The following HS3ST3A1 variants were observed in gnomAD, a reference collection of about 807,000 sequenced individuals.
HS3ST3A1 encodes heparan sulfate glucosamine 3-O-sulfotransferase 3A1.
In HS3ST3A1, 19 loss-of-function variants were observed where a neutral mutation model predicts 25.7. The observed-to-expected ratio is 0.74, with a 90% confidence interval of 0.52 to 1.08. The LOEUF (loss-of-function observed/expected upper bound fraction) is 1.08. HS3ST3A1 is among the 50% of genes least tolerant of loss of function. HS3ST3A1 has a pLI of 0.00. For missense variants in HS3ST3A1, 459 were observed against 594.3 expected, an observed-to-expected ratio of 0.77 and a Z score of 2.37; for synonymous variants, 226 against 278.6, an observed-to-expected ratio of 0.81 and a Z score of 1.88.
Position 13,537,320 on chromosome 17 carries a change from T to C in HS3ST3A1, c.600-40502A>G, listed in dbSNP as rs539597443. On this transcript the variant is annotated intron_variant, in intron 1 of 1. Coordinates refer to ENST00000284110, the MANE Select transcript of HS3ST3A1 (RefSeq NM_006042.3). ...TGGCATATTTTATGCATATGTATTT[T>C]TATAAAGCAACTAGAGAAATAAAGC... Among the ~76,000 whole-genome samples, 11 of 152,342 alleles carry C rather than the reference T, an allele frequency of 7.2e-5. No individual in the cohort carries two copies. In the South Asian group the frequency reaches 1.2e-3, roughly 17 times the overall value.
chr17:13,557,923 T>C (rs1907426037), intron 1 of HS3ST3A1, among the ~76,000 whole-genome samples: 2 of 152,200 alleles, frequency 1.3e-5, no homozygotes, highest in East Asian at 3.8e-4. Context: ...GGTAAACGTT[T>C]TGAATTTTAG....
At chr17:13,584,442 A>G in intron 1 of HS3ST3A1, among the ~76,000 whole-genome samples, 1 of 146,648 alleles carries the variant, frequency 6.8e-6, no homozygotes, top group Admixed American at 6.8e-5. Flanking sequence ...AAAAGAAGAA[A>G]GAGAGAGAGA....
intron 1 of HS3ST3A1, among the ~76,000 whole-genome samples, chr17:13,517,988 C>T (rs1598411621): frequency 6.6e-6 from 1 of 152,012 alleles, no homozygotes; most frequent in Non-Finnish European, 1.5e-5. Context: ...TTATCAGAGT[C>T]AACTGGGAGA....
chr17:13,590,706 A>G (rs8065492), intron 1 of HS3ST3A1, among the ~76,000 whole-genome samples: 20,965 of 152,252 alleles, frequency 0.14, 1,497 homozygotes, highest in East Asian at 0.19. Flanking sequence ...ATGACAGGAA[A>G]TCAATTAGAC....
intron 1 of HS3ST3A1, among the ~76,000 whole-genome samples, chr17:13,588,784 C>T (rs905033136): frequency 1.3e-5 from 2 of 151,764 alleles, no homozygotes; most frequent in African/African-American, 4.8e-5. Flanking sequence ...CCCGGGTTCA[C>T]GGCATTCTCC....
intron 1 of HS3ST3A1, among the ~76,000 whole-genome samples, chr17:13,550,146 G>T (rs1475162450): frequency 6.6e-6 from 1 of 152,222 alleles, no homozygotes; most frequent in African/African-American, 2.4e-5. Context: ...CCGTTTAGTA[G>T]TAGTAATCAT....
At chr17:13,599,622 A>G (rs1251281275) in intron 1 of HS3ST3A1, among the ~76,000 whole-genome samples, 1 of 152,220 alleles carries the variant, frequency 6.6e-6, no homozygotes, top group East Asian at 1.9e-4. Flanking sequence ...GGCAAACAAA[A>G]TCCAGGCGAC....
At chr17:13,581,125 G>A (rs537257130) in intron 1 of HS3ST3A1, among the ~76,000 whole-genome samples, 2 of 152,042 alleles carry the variant, frequency 1.3e-5, no homozygotes, top group Non-Finnish European at 2.9e-5. Flanking sequence ...AATTCCATTG[G>A]AACAAATTTG....
Position 13,600,762 on chromosome 17 carries a change from C to A in HS3ST3A1, c.368G>T (p.Gly123Val), listed in dbSNP as rs1309095991. ...WEEESPGLSG[G>V]PGGSGAGSTV... ...GCTTCCGGCCCCGGAGCCGCCCGGACCCCCTGACAGGCCAGGGGACTCTTC... is the reference window on the plus strand; with the variant it reads ...GCTTCCGGCCCCGGAGCCGCCCGGAACCCCTGACAGGCCAGGGGACTCTTC... The change falls in exon 1 of 2, where the codon GGT (glycine) becomes GTT (valine). Residue 123 changes from glycine to valine, a missense_variant. Around this residue, in one of 3 missense-constraint regions of HS3ST3A1, gnomAD observed 346 missense variants for 303.9 expected, o/e 1.14. Transcript: ENST00000284110. 1.6e-5 allele frequency: 24 copies of A among 1,508,678 alleles called. No homozygotes were observed. Among genetic ancestry groups the A allele is most frequent in the Non-Finnish European group, 2.1e-5 (24 of 1,136,042 alleles). 93.5% of individuals were successfully genotyped at this position (1,508,678 alleles called of 1,614,324 possible).
chr17:13,562,599 C>G (rs1237307808), intron 1 of HS3ST3A1, among the ~76,000 whole-genome samples: 3 of 99,154 alleles, frequency 3.0e-5, no homozygotes, highest in African/African-American at 6.8e-5. Context: ...CCTCCACCCT[C>G]AAGCTTCAGC....
Position 13,512,343 on chromosome 17 carries a change from T to A in HS3ST3A1, c.600-15525A>T, listed in dbSNP as rs201483800. 4.0e-5 allele frequency among the ~76,000 whole-genome samples: 6 copies of A among 150,476 alleles called. No individual in the cohort carries two copies. In the East Asian group the frequency reaches 1.2e-3, roughly 29 times the overall value. ...AAAAAAAAAACTGCATGATCCCATTTATATGACACATTCAGAATAAGCAAA... is the reference window on the plus strand; with the variant it reads ...AAAAAAAAAACTGCATGATCCCATTAATATGACACATTCAGAATAAGCAAA... On this transcript the variant is annotated intron_variant, in intron 1 of 1. Transcript: ENST00000284110.
At chr17:13,506,983 C>T (rs969030438) in intron 1 of HS3ST3A1, among the ~76,000 whole-genome samples, 1 of 150,250 alleles carries the variant, frequency 6.7e-6, no homozygotes, top group African/African-American at 2.5e-5. Context: ...GTGGGAGAAT[C>T]GCTTGAACCC....
chr17:13,584,836 G>T (rs1455803463), intron 1 of HS3ST3A1, among the ~76,000 whole-genome samples: 1 of 152,180 alleles, frequency 6.6e-6, no homozygotes, highest in African/African-American at 2.4e-5. Flanking sequence ...GTCCAGGAAA[G>T]ATAGGGAAGG....
intron 1 of HS3ST3A1, among the ~76,000 whole-genome samples, chr17:13,590,615 G>A (rs1598435148): frequency 1.3e-5 from 2 of 152,118 alleles, no homozygotes; most frequent in Admixed American, 1.3e-4. Flanking sequence ...TGGAACTAAA[G>A]GAAGTTCAGA....
intron 1 of HS3ST3A1, among the ~76,000 whole-genome samples, chr17:13,552,671 T>C (rs1264585969): frequency 3.3e-5 from 5 of 152,208 alleles, no homozygotes; most frequent in African/African-American, 9.6e-5. Flanking sequence ...GGAACAGTGC[T>C]GAACCCAAAA....
Position 13,600,738 on chromosome 17 carries a change from C to T in HS3ST3A1, c.392G>A (p.Ser131Asn). Reference sequence around the variant, plus strand: ...CCCCGGCGGGGCCTCGGCCACGGTGCTTCCGGCCCCGGAGCCGCCCGGACC... The same window carrying T: ...CCCCGGCGGGGCCTCGGCCACGGTGTTTCCGGCCCCGGAGCCGCCCGGACC... ...SGGPGGSGAG[S>N]TVAEAPPGTL... Residue 131 changes from serine to asparagine, a missense_variant, in exon 1 of 2, where the codon AGC becomes AAC. By Grantham distance (46) the Ser-to-Asn change is conservative. This residue lies in a region of HS3ST3A1 where 346 missense variants were observed against 303.9 expected (regional missense o/e 1.14). Coordinates refer to ENST00000284110, the MANE Select transcript of HS3ST3A1 (RefSeq NM_006042.3). 1 of 1,532,854 alleles carries T rather than the reference C, an allele frequency of 6.5e-7. No individual in the cohort carries two copies. 95.0% of individuals were successfully genotyped at this position (1,532,854 alleles called of 1,614,324 possible).
chr17:13,505,059 G>C (rs1293259911), intron 1 of HS3ST3A1, among the ~76,000 whole-genome samples: 2 of 152,200 alleles, frequency 1.3e-5, no homozygotes, highest in African/African-American at 4.8e-5. Context: ...TAATTTTTCT[G>C]ACAAGGAAGC....
chr17:13,546,093 C>T (rs142809474), intron 1 of HS3ST3A1, among the ~76,000 whole-genome samples: 334 of 152,144 alleles, frequency 2.2e-3, no homozygotes, highest in African/African-American at 7.7e-3. Context: ...TCCACCTGTC[C>T]GCCCTCTCTG....
intron 1 of HS3ST3A1, among the ~76,000 whole-genome samples, chr17:13,535,102 C>T (rs75019739): frequency 0.046 from 6,967 of 152,162 alleles, 207 homozygotes; most frequent in African/African-American, 0.084. Flanking sequence ...CTAGAGGAAA[C>T]ATAGGGCTAG....
Sources: gnomAD v4.1 joint callset for allele counts (sites outside exome capture counted in the v4.1 genomes callset) on GRCh38, gnomAD v4.1.1 for gene constraint, gnomAD v4.1.1 regional missense constraint, MANE v1.5 for transcripts, NCBI Gene and HGNC (gene_info 2026-07-23, HGNC 2026-07-21) for gene names.